The following MBTPS1 variants were observed in gnomAD, a reference collection of about 807,000 sequenced individuals.
MBTPS1 encodes the protein membrane-bound transcription factor site-1 protease.
A neutral mutation model predicts 127.8 loss-of-function variants in MBTPS1; 94 were observed. The observed-to-expected ratio is 0.74, with a 90% CI of 0.62 to 0.87. The LOEUF is 0.87. MBTPS1 is among the 40% of genes least tolerant of loss of function. The probability of loss-of-function intolerance (pLI) is 0.00; values close to 1 mark genes in which losing one functional copy is unlikely to be tolerated. For missense variants in MBTPS1, 1,636 were observed against 1,353.2 expected (o/e 1.21, Z -3.28); for synonymous variants, 632 against 509.4 (o/e 1.24, Z -3.24).
chr16:84,059,283 G>C lies in MBTPS1; in HGVS notation c.2831+19C>G. 1 of 1,608,046 alleles carries C rather than the reference G, an allele frequency of 6.2e-7. No individual in the cohort carries two copies. Among genetic ancestry groups the C allele is most frequent in the Non-Finnish European group, 8.5e-7 (1 of 1,175,718 alleles). ...ACAAGCCCCGTGGAAAGAGTGGAAGGGCACAGGCGGACACTAACCTGGGCG... is the reference window on the plus strand; with the variant it reads ...ACAAGCCCCGTGGAAAGAGTGGAAGCGCACAGGCGGACACTAACCTGGGCG... On this transcript the variant is annotated intron_variant, in intron 21 of 22. Transcript: ENST00000343411.
chr16:84,074,279 G>A (rs2085818294), intron 12 of MBTPS1, among the ~76,000 whole-genome samples: 1 of 151,152 alleles, frequency 6.6e-6, no homozygotes, highest in Admixed American at 6.6e-5. Flanking sequence ...CTGTCATCCA[G>A]GCTGGAGTGC....
chr16:84,084,443 G>C (rs1246331785), intron 10 of MBTPS1, among the ~76,000 whole-genome samples: 2 of 152,168 alleles, frequency 1.3e-5, no homozygotes, highest in African/African-American at 4.8e-5. Context: ...CAACAAATGG[G>C]TAACACTGTG....
intron 16 of MBTPS1, 80 bp downstream of exon 16, chr16:84,067,586 CA>C: frequency 8.6e-7 from 1 of 1,158,496 alleles, no homozygotes. Context: ...ACCAACAGGT[CA>C]AATCATCACT....
chr16:84,056,809 A>G (rs1414325425), intron 21 of MBTPS1: 1 of 152,200 alleles, frequency 6.6e-6, no homozygotes, highest in Non-Finnish European at 1.5e-5. Context: ...GGGATCTGAA[A>G]AACTCGTTCA....
intron 1 of MBTPS1, among the ~76,000 whole-genome samples, chr16:84,104,801 T>C (rs1254289215): frequency 6.6e-6 from 1 of 151,974 alleles, no homozygotes; most frequent in East Asian, 1.9e-4. Flanking sequence ...GCGCGGTGGC[T>C]CACACCTGTA....
chr16:84,065,631 C>A, intron 18 of MBTPS1, 59 bp downstream of exon 18: 1 of 1,082,064 alleles, frequency 9.2e-7, no homozygotes, highest in Non-Finnish European at 1.4e-6. Flanking sequence ...GAGAGAGAAG[C>A]GGGGGAAAAG....
intron 14 of MBTPS1, among the ~76,000 whole-genome samples, chr16:84,069,119 A>G (rs2085732378): frequency 6.6e-6 from 1 of 152,200 alleles, no homozygotes; most frequent in Non-Finnish European, 1.5e-5. Context: ...CTTATTTTAA[A>G]AGGCAAGTCT....
At chr16:84,074,471 T>C (rs2085821760) in intron 12 of MBTPS1, 126 bp downstream of exon 12, 2 of 877,756 alleles carry the variant, frequency 2.3e-6, no homozygotes, top group Non-Finnish European at 3.5e-6. Flanking sequence ...TGGGCTCAAG[T>C]GATCCTCTCT....
chr16:84,060,513 C>T (rs1352963539), intron 20 of MBTPS1, 169 bp downstream of exon 20: 8 of 683,250 alleles, frequency 1.2e-5, no homozygotes, highest in Non-Finnish European at 1.9e-5. Flanking sequence ...GATGGCCTCT[C>T]GGCAGGTTAG....
chr16:84,108,977 T>C (rs1407303602), intron 1 of MBTPS1, among the ~76,000 whole-genome samples: 1 of 152,206 alleles, frequency 6.6e-6, no homozygotes, highest in African/African-American at 2.4e-5. Flanking sequence ...CTAACAGATG[T>C]AGAAAGAAAG....
intron 11 of MBTPS1, among the ~76,000 whole-genome samples, chr16:84,080,162 T>A (rs2085919628): frequency 6.6e-6 from 1 of 152,200 alleles, no homozygotes; most frequent in South Asian, 2.1e-4. Flanking sequence ...CACTAAATGA[T>A]ATTAATTATA....
In MBTPS1 at chr16:84,060,832, T is replaced by G; in HGVS notation, c.2573-19A>C. On this transcript the variant is annotated intron_variant, in intron 19 of 22. Coordinates refer to ENST00000343411, the MANE Select transcript of MBTPS1 (RefSeq NM_003791.4). ...AAGCAGTCTGCGAAGTCAACAAGCC[T>G]GTTTAGGAATTCCTTTTTTTTTTTC... is the stretch of plus-strand genomic sequence containing the variant. The G allele has an allele frequency of 2.6e-6, 4 of 1,537,804 alleles. No homozygotes were observed. The highest frequency in any genetic ancestry group is 2.1e-5 in the Admixed American group (1 of 47,990).
chr16:84,095,547 T>A, intron 4 of MBTPS1, 55 bp downstream of exon 4: 2 of 1,579,512 alleles, frequency 1.3e-6, no homozygotes, highest in South Asian at 2.2e-5. Flanking sequence ...CTTCCCTGGG[T>A]AATAGCACAC....
intron 16 of MBTPS1, among the ~76,000 whole-genome samples, chr16:84,067,118 G>A (rs1030457495): frequency 5.3e-5 from 8 of 151,830 alleles, no homozygotes; most frequent in Non-Finnish European, 8.8e-5. Flanking sequence ...TAATTTACTC[G>A]AAATATTCTT....
chr16:84,074,780 G>A, intron 11 of MBTPS1, 39 bp from the exon 12 acceptor site: 1 of 1,573,230 alleles, frequency 6.4e-7, no homozygotes, highest in Non-Finnish European at 8.7e-7. Context: ...GATCATATGA[G>A]AAAACTACAA....
At chr16:84,103,134 C>G (rs1372514881) in intron 1 of MBTPS1, among the ~76,000 whole-genome samples, 2 of 152,070 alleles carry the variant, frequency 1.3e-5, no homozygotes, top group Non-Finnish European at 2.9e-5. Context: ...CTGGCTGTAG[C>G]ATAACCAGAA....
At chr16:84,096,866 A>T (rs2086185750) in intron 3 of MBTPS1, among the ~76,000 whole-genome samples, 1 of 152,264 alleles carries the variant, frequency 6.6e-6, no homozygotes, top group African/African-American at 2.4e-5. Flanking sequence ...GAGACCAGGA[A>T]TGGGCCTGCT....
At chr16:84,057,055 A>G (rs748214502) in intron 21 of MBTPS1, 1 of 152,228 alleles carries the variant, frequency 6.6e-6, no homozygotes, top group South Asian at 2.1e-4. Flanking sequence ...AAGTGAAAGC[A>G]AAGACGTCCA....
intron 19 of MBTPS1, among the ~76,000 whole-genome samples, chr16:84,062,163 C>G (rs1222832018): frequency 1.3e-5 from 2 of 152,170 alleles, no homozygotes; most frequent in Non-Finnish European, 2.9e-5. Flanking sequence ...CTCTGTCACC[C>G]AGGCTGGAGT....
Sources: allele counts gnomAD v4.1 joint callset (sites outside exome capture counted in the v4.1 genomes callset), GRCh38; gene constraint gnomAD v4.1.1; transcripts MANE v1.5; gene names NCBI Gene and HGNC (gene_info 2026-07-23, HGNC 2026-07-21).